The following TLK1 variants were observed in gnomAD, a reference collection of about 807,000 sequenced individuals.
TLK1 encodes the protein serine/threonine-protein kinase tousled-like 1.
TLK1 carries 24 observed loss-of-function variants against 105.3 expected under a neutral mutation model. That is an observed-to-expected ratio of 0.23 (90% CI 0.17 to 0.32). The LOEUF (loss-of-function observed/expected upper bound fraction) is 0.32, where lower values mean the gene tolerates loss of function less well. TLK1 is among the 10% of genes least tolerant of loss of function. The pLI is 1.00. For synonymous variants in TLK1, 321 were observed against 310.4 expected, an observed-to-expected ratio of 1.03 and a Z score of -0.36; for missense variants, 558 against 910.5, an observed-to-expected ratio of 0.61 and a Z score of 4.98.
At chr2:171,167,568 G>A (rs1433026489) in intron 1 of TLK1, among the ~76,000 whole-genome samples, 2 of 152,084 alleles carry the variant, frequency 1.3e-5, no homozygotes, top group African/African-American at 4.8e-5. Flanking sequence ...AAATCCTGAA[G>A]AGATAGTTCC....
chr2:171,029,034 A>C (rs1312209031), intron 11 of TLK1, among the ~76,000 whole-genome samples: 1 of 152,186 alleles, frequency 6.6e-6, no homozygotes, highest in Non-Finnish European at 1.5e-5. Context: ...TCAAAACTCT[A>C]AGATGAAAAT....
intron 10 of TLK1, among the ~76,000 whole-genome samples, chr2:171,049,225 T>G (rs1173100125): frequency 2.0e-5 from 3 of 152,148 alleles, no homozygotes; most frequent in African/African-American, 7.2e-5. Context: ...AACCTCAGTA[T>G]CAAGCAATAT....
At chr2:171,074,644 A>C (rs1443125294) in intron 3 of TLK1, among the ~76,000 whole-genome samples, 64 of 145,382 alleles carry the variant, frequency 4.4e-4, no homozygotes, top group Admixed American at 3.9e-3. Flanking sequence ...AAAAAAAAAA[A>C]AGAAAGAAAG....
intron 1 of TLK1, among the ~76,000 whole-genome samples, chr2:171,141,956 T>C (rs1027177273): frequency 1.3e-5 from 2 of 152,026 alleles, no homozygotes; most frequent in Admixed American, 6.6e-5. Context: ...TAATATCTTG[T>C]GGGGAGTTAA....
At chr2:171,110,113 A>T (rs1228931557) in intron 2 of TLK1, among the ~76,000 whole-genome samples, 1 of 152,234 alleles carries the variant, frequency 6.6e-6, no homozygotes, top group Admixed American at 6.5e-5. Context: ...GTGAATGGTT[A>T]TAATACCTTT....
Position 171,228,026 on chromosome 2 carries a change from A to G in TLK1, c.-6+3119T>C, listed in dbSNP as rs545224722. Among the ~76,000 whole-genome samples the G allele has an allele frequency of 6.6e-5, 10 of 152,190 alleles. No homozygotes were observed. In the East Asian group the frequency reaches 1.9e-3, roughly 29 times the overall value. ...CTCCATCTCTACTAAAAATACAAAA[A>G]TTAGCCAGGTGTGGTGGCACACACC... On this transcript the variant is annotated intron_variant, in intron 1 of 20. Transcript: ENST00000521943.
chr2:171,100,156 C>T (rs1185283749), intron 2 of TLK1, among the ~76,000 whole-genome samples: 3 of 152,174 alleles, frequency 2.0e-5, no homozygotes, highest in East Asian at 3.8e-4. Context: ...TGAAAAGATG[C>T]TCATCAGTCA....
intron 1 of TLK1, among the ~76,000 whole-genome samples, chr2:171,136,952 C>A (rs1691351323): frequency 6.6e-6 from 1 of 152,120 alleles, no homozygotes. Flanking sequence ...CACAGTCATC[C>A]CACTTGTTAG....
intron 13 of TLK1, among the ~76,000 whole-genome samples, chr2:171,012,967 G>C (rs886073702): frequency 6.6e-6 from 1 of 151,570 alleles, no homozygotes; most frequent in Non-Finnish European, 1.5e-5. Context: ...TGTAATTTTC[G>C]GAACAGTTAG....
At chr2:171,057,961 G>GA (rs1315852721) in intron 5 of TLK1, among the ~76,000 whole-genome samples, 190 bp downstream of exon 5, 1 of 151,894 alleles carries the variant, frequency 6.6e-6, no homozygotes, top group Admixed American at 6.6e-5. Context: ...AAAGTATTTA[G>GA]AAAAAAATGA....
chr2:171,107,075 C>T (rs1248163917), intron 2 of TLK1, among the ~76,000 whole-genome samples: 1 of 152,200 alleles, frequency 6.6e-6, no homozygotes, highest in Non-Finnish European at 1.5e-5. Context: ...TTCTTCAAGA[C>T]ACTGAATACT....
chr2:170,994,383 G>A (rs989425328), intron 20 of TLK1, among the ~76,000 whole-genome samples: 4 of 151,844 alleles, frequency 2.6e-5, no homozygotes, highest in Non-Finnish European at 4.4e-5. Flanking sequence ...TAGATGAAGA[G>A]ATCACTGAAG....
rs1688813920 is a variant in TLK1 at position 171,082,907 on chromosome 2, G to T, written c.259-55C>A. On this transcript the variant is annotated intron_variant, in intron 2 of 20. Transcript: ENST00000431350. The stretch of plus-strand genomic sequence containing the variant: ...TAGGAGTAATTTTTTTAAAGCAGCG[G>T]GAATAATTTTAAACAAACATATTAC... The T allele has an allele frequency of 2.0e-5, 25 of 1,222,924 alleles. No individual in the cohort carries two copies. In the South Asian group the frequency reaches 3.3e-4, roughly 16 times the overall value. The allele number at this position is 1,222,924 out of a possible 1,614,324, so 75.8% of individuals were successfully genotyped here. A position where few individuals can be genotyped will look rare whatever the true frequency, so the allele number is the denominator to read the frequency against.
chr2:171,203,688 A>G (rs218312), intron 1 of TLK1, among the ~76,000 whole-genome samples: 94,666 of 152,060 alleles, frequency 0.62, 30,233 homozygotes, highest in East Asian at 0.77. Flanking sequence ...AGAATATATC[A>G]GAGGAAATTT....
intron 3 of TLK1, among the ~76,000 whole-genome samples, chr2:171,062,834 G>A (rs1687818495): frequency 6.6e-6 from 1 of 152,126 alleles, no homozygotes; most frequent in Non-Finnish European, 1.5e-5. Flanking sequence ...CCAATGAAAT[G>A]CCAGTATGTT....
intron 1 of TLK1, among the ~76,000 whole-genome samples, chr2:171,139,404 C>A (rs1691475303): frequency 6.6e-6 from 1 of 151,970 alleles, no homozygotes; most frequent in South Asian, 2.1e-4. Flanking sequence ...TTGAGACCAG[C>A]CTGGACGACA....
At chr2:171,008,455 T>C (rs1002850536) in intron 14 of TLK1, among the ~76,000 whole-genome samples, 2 of 152,156 alleles carry the variant, frequency 1.3e-5, no homozygotes, top group African/African-American at 2.4e-5. Flanking sequence ...AAGGCAATCA[T>C]AGTAAAGGAT....
intron 8 of TLK1, among the ~76,000 whole-genome samples, chr2:171,052,547 T>A (rs1257769479): frequency 3.9e-5 from 6 of 152,226 alleles, no homozygotes; most frequent in African/African-American, 1.4e-4. Flanking sequence ...AAACTACAGT[T>A]ATACTCATCA....
intron 1 of TLK1, among the ~76,000 whole-genome samples, chr2:171,199,891 G>A (rs1371437048): frequency 1.3e-5 from 2 of 152,192 alleles, no homozygotes; most frequent in African/African-American, 4.8e-5. Context: ...TTTCAACAGA[G>A]CAAGTGTAAG....
Sources: allele counts gnomAD v4.1 joint callset (sites outside exome capture counted in the v4.1 genomes callset), GRCh38; gene constraint gnomAD v4.1.1; transcripts MANE v1.5; gene names NCBI Gene and HGNC (gene_info 2026-07-23, HGNC 2026-07-21).